Variants in KIR2DL1 observed in about 807,000 individuals in gnomAD.
The protein encoded by KIR2DL1 is killer cell immunoglobulin-like receptor 2DL1.
A neutral mutation model predicts 33.9 loss-of-function variants in KIR2DL1; 38 were observed. The observed-to-expected ratio is 1.12, with a 90% CI of 0.86 to 1.47. KIR2DL1 has a LOEUF of 1.47. KIR2DL1 is among the 40% of genes most tolerant of loss of function. The pLI, the probability that KIR2DL1 is intolerant of heterozygous loss-of-function variation, is 0.00. For synonymous variants in KIR2DL1, 179 were observed against 165.9 expected (o/e 1.08, Z -0.61); for missense variants, 531 against 433.9 (o/e 1.22, Z -1.99).
intron 2 of KIR2DL1, among the ~76,000 whole-genome samples, chr19:54,771,610 CG>C: frequency 6.9e-6 from 1 of 144,580 alleles, no homozygotes; most frequent in East Asian, 2.0e-4. Context: ...CTTCTCCCCA[CG>C]GTGGTCAGGA....
Position 54,773,450 on chromosome 19 carries a change from A to T in KIR2DL1, c.188A>T (p.Glu63Val). ...VMFEHFLLHREGMFNDTLRLI... is the reference protein window; with the variant it reads ...VMFEHFLLHRVGMFNDTLRLI... ...TTTGAACACTTCCTTCTGCACAGAG[A>T]GGGGATGTTTAACGACACTTTGCGC... The change falls in exon 3 of 8, where the codon GAG becomes GTG. Residue 63 changes from glutamate (E) to valine (V), a missense_variant. By Grantham distance (121) the Glu-to-Val change is moderately radical (BLOSUM62 -2). Transcript: ENST00000336077. 1.3e-6 allele frequency: 2 copies of T among 1,588,928 alleles called. No individual in the cohort carries two copies. Among genetic ancestry groups the T allele is most frequent in the African/African-American group, 1.4e-5 (1 of 73,952 alleles).
Position 54,778,663 on chromosome 19 carries a change from G to A in KIR2DL1, c.715+1G>A. On this transcript the variant is annotated splice_donor_variant, in intron 5 of 7. Transcript: ENST00000336077. LOFTEE classifies it high-confidence loss of function. Reference sequence around the variant, plus strand: ...CCCACTGAACCAAGCTCCAAAACCGGTGAGTACAGAACCCTCTTATATCCG... The same window carrying A: ...CCCACTGAACCAAGCTCCAAAACCGATGAGTACAGAACCCTCTTATATCCG... The A allele has an allele frequency of 6.5e-7, 1 of 1,549,846 alleles. No individual in the cohort carries two copies.
chr19:54,782,863 C>G, intron 5 of KIR2DL1, 59 bp from the exon 6 acceptor site: 1 of 1,566,668 alleles, frequency 6.4e-7, no homozygotes. Context: ...AAATGCGAGA[C>G]AATTCATAAA....
chr19:54,775,908 T>C, intron 4 of KIR2DL1, among the ~76,000 whole-genome samples: 1 of 147,420 alleles, frequency 6.8e-6, no homozygotes, highest in Admixed American at 6.9e-5. Context: ...ACATTTTTTT[T>C]TGAGGTGGAG....
chr19:54,781,487 G>A (rs1405437785), intron 5 of KIR2DL1, among the ~76,000 whole-genome samples: 1 of 150,260 alleles, frequency 6.7e-6, no homozygotes, highest in Non-Finnish European at 1.5e-5. Flanking sequence ...AATCACCTGT[G>A]GAGATTCAGA....
chr19:54,777,066 T>C (rs1282817604), intron 4 of KIR2DL1, among the ~76,000 whole-genome samples: 24 of 151,878 alleles, frequency 1.6e-4, no homozygotes, highest in Admixed American at 2.6e-4. Context: ...CTTTTGCCTG[T>C]CTTGCAGCTA....
intron 3 of KIR2DL1, among the ~76,000 whole-genome samples, chr19:54,774,864 C>A (rs1216183006): frequency 6.7e-6 from 1 of 148,254 alleles, no homozygotes. Context: ...GAACAGGACA[C>A]AAAGTGAGAA....
chr19:54,777,810 G>T (rs2076521130), intron 4 of KIR2DL1, among the ~76,000 whole-genome samples: 1 of 148,704 alleles, frequency 6.7e-6, no homozygotes, highest in Admixed American at 6.8e-5. Flanking sequence ...TCAGGCCTTA[G>T]ACTCACATCT....
chr19:54,774,689 A>T (rs2076125400), intron 3 of KIR2DL1, among the ~76,000 whole-genome samples: 1 of 148,152 alleles, frequency 6.7e-6, no homozygotes, highest in Admixed American at 6.8e-5. Flanking sequence ...AGAGAGAGAG[A>T]TGATACATAG....
chr19:54,777,639 G>GTTTA (rs2076503617), intron 4 of KIR2DL1, among the ~76,000 whole-genome samples: 1 of 147,678 alleles, frequency 6.8e-6, no homozygotes, highest in Non-Finnish European at 1.5e-5. Flanking sequence ...CACTTTGTTG[G>GTTTA]TTTATTTTTA....
chr19:54,773,843 C>T (rs374096056), intron 3 of KIR2DL1, among the ~76,000 whole-genome samples: 9 of 147,540 alleles, frequency 6.1e-5, no homozygotes, highest in South Asian at 2.1e-4. Context: ...GGGGCCATAC[C>T]GGGAGTTAGA....
chr19:54,776,987 C>A (rs1193077614), intron 4 of KIR2DL1, among the ~76,000 whole-genome samples: 2 of 151,050 alleles, frequency 1.3e-5, no homozygotes, highest in Non-Finnish European at 3.0e-5. Flanking sequence ...TCCGTAATGG[C>A]TGTACTAATT....
chr19:54,780,588 G>A (rs1172827922), intron 5 of KIR2DL1, among the ~76,000 whole-genome samples: 1 of 144,822 alleles, frequency 6.9e-6, no homozygotes, highest in Non-Finnish European at 1.5e-5. Context: ...GAAAATAAGG[G>A]AGGCCCAGGT....
chr19:54,784,211 T>A lies in KIR2DL1; in HGVS notation c.*398T>A. 1 of 346,192 alleles carries A rather than the reference T, an allele frequency of 2.9e-6. No individual in the cohort carries two copies. Among genetic ancestry groups the A allele is most frequent in the Non-Finnish European group, 5.3e-6 (1 of 188,268 alleles). 21.4% of individuals were successfully genotyped at this position (346,192 alleles called of 1,614,324 possible). On this transcript the variant is annotated 3_prime_UTR_variant, in exon 8 of 8. Coordinates refer to ENST00000336077, the MANE Select transcript of KIR2DL1 (RefSeq NM_014218.3). The stretch of plus-strand genomic sequence containing the variant: ...GTTGTTCCACCTTCCCTCATGCTGT[T>A]CCACCTCCCCTCAGACTAGCTTTCA...
intron 4 of KIR2DL1, among the ~76,000 whole-genome samples, chr19:54,775,730 G>C (rs905634511): frequency 6.7e-6 from 1 of 148,654 alleles, no homozygotes; most frequent in Non-Finnish European, 1.5e-5. Context: ...GCTCAGTTTG[G>C]GGAGATCAGA....
At chr19:54,782,820 A>C in intron 5 of KIR2DL1, 102 bp from the exon 6 acceptor site, 8 of 1,285,558 alleles carry the variant, frequency 6.2e-6, no homozygotes, top group Non-Finnish European at 9.0e-6. Context: ...CTTGTCCTAA[A>C]GAGGTGTTTT....
At position 54,770,838 on chromosome 19, in the gene KIR2DL1, T is replaced by C. The variant is rs1359397670; in HGVS notation, c.35-11T>C. The C allele has an allele frequency of 1.0e-5, 16 of 1,584,310 alleles. 3 individuals carry two copies. The African/African-American group carries it at 2.0e-4, about 20-fold the overall frequency. On this transcript the variant is annotated splice_polypyrimidine_tract_variant and intron_variant, in intron 1 of 7. Transcript: ENST00000336077. ...TGCAGATGGGTCATCCATCATGATC[T>C]TTCTTTCCAGGGTTCTTCTTGCTGC...
rs2077398522 is a variant in KIR2DL1 at position 54,784,048 on chromosome 19, T to G, written c.*235T>G. The G allele has an allele frequency of 1.5e-6, 1 of 672,260 alleles. No homozygotes were observed. The highest frequency in any genetic ancestry group is 2.5e-6 in the Non-Finnish European group (1 of 399,088). The allele number at this position is 672,260 out of a possible 1,614,324, so 41.6% of individuals were successfully genotyped here. A position where few individuals can be genotyped will look rare whatever the true frequency, so the allele number is the denominator to read the frequency against. On this transcript the variant is annotated 3_prime_UTR_variant, in exon 8 of 8. Transcript: ENST00000336077. The stretch of plus-strand genomic sequence containing the variant: ...CACTCCTTTGCTTAACCCACAGTTC[T>G]CCATTTCACTTGACCCCTGCCCACC...
At chr19:54,770,812 C>T (rs1244038065) in intron 1 of KIR2DL1, 37 bp from the exon 2 acceptor site, 5 of 1,582,192 alleles carry the variant, frequency 3.2e-6, no homozygotes, top group Non-Finnish European at 4.3e-6. Flanking sequence ...CCTGGTTTGC[C>T]TGCAGATGGG....
Sources: allele counts gnomAD v4.1 joint callset (sites outside exome capture counted in the v4.1 genomes callset), GRCh38; gene constraint gnomAD v4.1.1; transcripts MANE v1.5; gene names NCBI Gene and HGNC (gene_info 2026-07-23, HGNC 2026-07-21).